TSHZ3: variants seen among roughly 807,000 people sequenced by gnomAD.
TSHZ3 encodes the protein teashirt zinc finger homeobox 3, also known as teashirt homolog 3.
Under a neutral mutation model 64.5 loss-of-function variants are expected in TSHZ3, and 10 were observed. The ratio of observed to expected loss-of-function variants is 0.16; its 90% CI spans 0.10 to 0.26. The LOEUF is 0.26. TSHZ3 is among the 10% of genes least tolerant of loss of function. The probability of loss-of-function intolerance (pLI) is 1.00; values close to 1 mark genes in which losing one functional copy is unlikely to be tolerated. For synonymous variants in TSHZ3, 608 were observed against 593.1 expected (o/e 1.03, Z -0.36); for missense variants, 1,242 against 1,421.7 (o/e 0.87, Z 2.03).
Position 31,278,317 on chromosome 19 carries a change from G to C in TSHZ3, c.1476C>G (p.Gly492=). 6.2e-7 allele frequency: 1 copy of C among 1,614,092 alleles called. No individual in the cohort carries two copies. The highest frequency in any genetic ancestry group is 8.5e-7 in the Non-Finnish European group (1 of 1,180,028). Residue 492 remains glycine (G), a synonymous_variant, in exon 2 of 2, where the codon GGC becomes GGG. Transcript: ENST00000240587. This position sits in a 1 kb window ranked among gnomAD's most constrained non-coding sequence, Gnocchi z 4.7. ...AGATGTCACACTTCTCCTCTTCTTC[G>C]CCAGGCTTGTCTTTTTGCTTAGGTT... ...DEKPKQKDKP[G]EEEEKCDISS...
intron 5 of TSHZ3, among the ~76,000 whole-genome samples, chr19:31,162,249 T>TA (rs138754380): frequency 0.012 from 1,872 of 152,104 alleles, 27 homozygotes; most frequent in East Asian, 0.068. Context: ...ATGAAATACT[T>TA]AAAAAAAATC....
chr19:31,305,879 T>C (rs1465680289), intron 1 of TSHZ3: 1 of 152,202 alleles, frequency 6.6e-6, no homozygotes, highest in Non-Finnish European at 1.5e-5. Context: ...TTTCCAATTT[T>C]ATCAGTATAT....
At chr19:31,326,404 T>C (rs900995974) in intron 1 of TSHZ3, among the ~76,000 whole-genome samples, 3 of 152,266 alleles carry the variant, frequency 2.0e-5, no homozygotes, top group Non-Finnish European at 2.9e-5. Context: ...TCCACTTTCA[T>C]GAGAGAAAGC....
At chr19:31,234,619 T>G (rs1343098177) in intron 3 of TSHZ3, among the ~76,000 whole-genome samples, 2 of 152,244 alleles carry the variant, frequency 1.3e-5, no homozygotes, top group Non-Finnish European at 2.9e-5. Flanking sequence ...ACTCTTTTGC[T>G]GCATCTATCT....
chr19:31,296,782 G>A (rs1428762350), intron 1 of TSHZ3, among the ~76,000 whole-genome samples: 1 of 152,230 alleles, frequency 6.6e-6, no homozygotes, highest in African/African-American at 2.4e-5. Context: ...ATGCCTGGGA[G>A]TCAGTGGAGA....
At chr19:31,178,845 G>A (rs994166699) in intron 5 of TSHZ3, among the ~76,000 whole-genome samples, 3 of 152,170 alleles carry the variant, frequency 2.0e-5, no homozygotes, top group African/African-American at 7.2e-5. Context: ...AGAAGATAAT[G>A]CCTGAGCTGA....
At chr19:31,280,800 C>T (rs1026538287) in intron 1 of TSHZ3, among the ~76,000 whole-genome samples, 8 of 152,232 alleles carry the variant, frequency 5.3e-5, no homozygotes, top group African/African-American at 1.2e-4. Flanking sequence ...GGAAGATGCA[C>T]GTCCAGAGAC....
At chr19:31,309,371 G>T (rs1484955956) in intron 1 of TSHZ3, among the ~76,000 whole-genome samples, 1 of 145,062 alleles carries the variant, frequency 6.9e-6, no homozygotes, top group South Asian at 2.2e-4. Flanking sequence ...GCGTAGATGG[G>T]TGGAGCCATA....
downstream of TSHZ3, among the ~76,000 whole-genome samples, chr19:31,273,827 C>A (rs1976180183): frequency 6.6e-6 from 1 of 152,196 alleles, no homozygotes; most frequent in Non-Finnish European, 1.5e-5. Flanking sequence ...GAAGATGGGG[C>A]CTGGCACAGG....
At chr19:31,196,635 A>C (rs1974997753) in intron 5 of TSHZ3, among the ~76,000 whole-genome samples, 1 of 151,998 alleles carries the variant, frequency 6.6e-6, no homozygotes, top group Non-Finnish European at 1.5e-5. Flanking sequence ...GGAGAAAGAC[A>C]TACCATGCTA....
chr19:31,255,658 C>G (rs1392419428), intron 1 of TSHZ3, among the ~76,000 whole-genome samples: 1 of 152,082 alleles, frequency 6.6e-6, no homozygotes, highest in South Asian at 2.1e-4. Flanking sequence ...ACTCAAGCAC[C>G]CCGGGGTTTC....
chr19:31,304,829 C>T (rs746633406), intron 1 of TSHZ3, among the ~76,000 whole-genome samples: 1 of 152,166 alleles, frequency 6.6e-6, no homozygotes, highest in Non-Finnish European at 1.5e-5. Flanking sequence ...TAAAAAAGTG[C>T]TGATATTTTA....
chr19:31,248,476 C>G (rs1026402304), intron 1 of TSHZ3, among the ~76,000 whole-genome samples: 2 of 152,042 alleles, frequency 1.3e-5, no homozygotes, highest in Non-Finnish European at 2.9e-5. Context: ...ACAACCTGGC[C>G]AATACTGCGG....
In TSHZ3 at chr19:31,213,356, C is replaced by CAAAAAAAAAAAAAAAAAAAAAAAA. The variant is rs35192337; in HGVS notation, n.687-8302_687-8279dup. ...TGAGCAACAGAGCGAGACTCTGTCT[C>CAAAAAAAAAAAAAAAAAAAAAAAA]AAAAAAAAAAAAAAAAAAAAAAAAA... is the stretch of plus-strand genomic sequence containing the variant. On this transcript the variant is annotated intron_variant and non_coding_transcript_variant, in intron 4 of 6. Transcript: ENST00000651361. 1.3e-4 allele frequency among the ~76,000 whole-genome samples: 3 copies of CAAAAAAAAAAAAAAAAAAAAAAAA among 23,308 alleles called. 1 individual carries two copies. Among genetic ancestry groups the CAAAAAAAAAAAAAAAAAAAAAAAA allele is most frequent in the African/African-American group, 4.4e-4 (3 of 6,782 alleles). 15.3% of individuals were successfully genotyped at this position (23,308 alleles called of 152,430 possible). A position where few individuals can be genotyped will look rare whatever the true frequency, so the allele number is the denominator to read the frequency against.
chr19:31,220,830 G>A (rs1204074669), intron 4 of TSHZ3, among the ~76,000 whole-genome samples: 1 of 152,144 alleles, frequency 6.6e-6, no homozygotes, highest in African/African-American at 2.4e-5. Context: ...AAAGATGAAG[G>A]AACAGATTTT....
chr19:31,349,107 G>A, intron 1 of TSHZ3, 73 bp downstream of exon 1: 2 of 1,501,796 alleles, frequency 1.3e-6, no homozygotes, highest in South Asian at 1.2e-5. Flanking sequence ...GAGCGGGGTC[G>A]CGCCCGCTGG....
intron 1 of TSHZ3, among the ~76,000 whole-genome samples, chr19:31,337,238 T>A (rs539355709): frequency 1.3e-3 from 205 of 152,062 alleles, no homozygotes; most frequent in African/African-American, 4.6e-3. Context: ...GCCCCCAAGA[T>A]GGATGGCTGC....
At chr19:31,335,219 C>T (rs1917210265) in intron 1 of TSHZ3, among the ~76,000 whole-genome samples, 1 of 152,244 alleles carries the variant, frequency 6.6e-6, no homozygotes, top group Non-Finnish European at 1.5e-5. Flanking sequence ...CTTTGCCCTT[C>T]CCCGACGAAC....
intron 5 of TSHZ3, among the ~76,000 whole-genome samples, chr19:31,200,353 C>A (rs755606687): frequency 6.6e-6 from 1 of 151,922 alleles, no homozygotes; most frequent in Non-Finnish European, 1.5e-5. Flanking sequence ...GATAAATAAA[C>A]TAAAAGTCTG....
Sources: gnomAD v4.1 joint callset for allele counts (sites outside exome capture counted in the v4.1 genomes callset) on GRCh38, gnomAD v4.1.1 for gene constraint, Gnocchi (gnomAD v3.1) non-coding constraint, MANE v1.5 for transcripts, NCBI Gene and HGNC (gene_info 2026-07-23, HGNC 2026-07-21) for gene names.